ARAP3: variants seen among roughly 807,000 people sequenced by gnomAD.
ARAP3 encodes the protein arf-GAP with Rho-GAP domain, ANK repeat and PH domain-containing protein 3.
Under a neutral mutation model 169.2 loss-of-function variants are expected in ARAP3, and 82 were observed. The observed-to-expected ratio is 0.48, with a 90% CI of 0.41 to 0.58. ARAP3 has a LOEUF of 0.58. ARAP3 is among the 20% of genes least tolerant of loss of function. The pLI is 0.00. For missense variants in ARAP3, 1,764 were observed against 2,018.0 expected, an observed-to-expected ratio of 0.87 and a Z score of 2.41; for synonymous variants, 791 against 800.3, an observed-to-expected ratio of 0.99 and a Z score of 0.20.
At chr5:141,669,556 C>T (rs990381831) in intron 16 of ARAP3, among the ~76,000 whole-genome samples, 153 bp downstream of exon 16, 1 of 152,194 alleles carries the variant, frequency 6.6e-6, no homozygotes, top group Non-Finnish European at 1.5e-5. Context: ...ATCGAGTGGG[C>T]AGTGCTTAAC....
Position 141,658,597 on chromosome 5 carries a change from G to A in ARAP3, c.3393C>T (p.Asp1131=), listed in dbSNP as rs757823853. 1.9e-6 allele frequency: 3 copies of A among 1,613,022 alleles called. No homozygotes were observed. Among genetic ancestry groups the A allele is most frequent in the African/African-American group, 2.7e-5 (2 of 74,826 alleles). Residue 1131 remains aspartate, a synonymous_variant, in exon 24 of 33, where the codon GAC becomes GAT. Coordinates refer to ENST00000239440, the MANE Select transcript of ARAP3 (RefSeq NM_022481.6). ...MEVYIEQQLP[D]NCVTLKVSPT... ...GACCAACCTTCAGGGTGACACAGTTGTCTGGGAGCTGCTGCTCTATATAAA... is the reference window on the plus strand; with the variant it reads ...GACCAACCTTCAGGGTGACACAGTTATCTGGGAGCTGCTGCTCTATATAAA...
At chr5:141,655,257 C>A in intron 32 of ARAP3, 105 bp downstream of exon 32, 1 of 1,199,906 alleles carries the variant, frequency 8.3e-7, no homozygotes. Context: ...CACACACACA[C>A]ACCCCCTGAT....
chr5:141,664,696 A>G (rs1596482048), intron 19 of ARAP3, among the ~76,000 whole-genome samples: 1 of 152,146 alleles, frequency 6.6e-6, no homozygotes, highest in East Asian at 1.9e-4. Context: ...TATCCTGGAA[A>G]ATGAGGACCG....
At chr5:141,668,407 T>A (rs1455266887) in intron 16 of ARAP3, among the ~76,000 whole-genome samples, 1 of 152,230 alleles carries the variant, frequency 6.6e-6, no homozygotes, top group African/African-American at 2.4e-5. Context: ...GCCCTTTTTT[T>A]ATAATTAGAT....
rs963515157 is a variant in ARAP3, at chr5:141,671,132, G to A, written c.1990+133C>T. On this transcript the variant is annotated intron_variant, in intron 13 of 32. Transcript: ENST00000239440. The surrounding 1 kb of genome is among the most constrained non-coding windows in gnomAD (Gnocchi z 4.9). ...ATGACATCAGGAGATAGGCCCTGGA[G>A]GATCTGAGGGTTTGGGAAACTGCCC... The A allele has an allele frequency of 1.7e-5, 21 of 1,209,172 alleles. No homozygotes were observed. The African/African-American group carries it at 2.4e-4, about 14-fold the overall frequency. The allele number at this position is 1,209,172 out of a possible 1,614,324, so 74.9% of individuals were successfully genotyped here.
At chr5:141,673,951 CTTTTCTTCTT>C in intron 4 of ARAP3, 143 bp from the exon 5 acceptor site, 2 of 573,966 alleles carry the variant, frequency 3.5e-6, no homozygotes. Flanking sequence ...TTTTTCTTTT[CTTTTCTTCTT>C]TTTTTTTTTT....
rs761614648 is a variant in ARAP3 at position 141,672,198 on chromosome 5, A to C, written c.1489T>G (p.Ser497Ala). ...SDYEVAEKIW[S>A]NRANRQCADC... ...GCACACTGCCGGTTGGCCCGATTAGACCAGATCTTCTCAGCCACCTCGTAG... is the reference window on the plus strand; with the variant it reads ...GCACACTGCCGGTTGGCCCGATTAGCCCAGATCTTCTCAGCCACCTCGTAG... Residue 497 changes from serine (S) to alanine (A), a missense_variant, in exon 10 of 33, where the codon TCT becomes GCT. Physicochemically the swap from Ser to Ala is moderately conservative, Grantham distance 99. Coordinates refer to ENST00000239440, the MANE Select transcript of ARAP3 (RefSeq NM_022481.6). This position sits in a 1 kb window ranked among gnomAD's most constrained non-coding sequence, Gnocchi z 4.9. 6 of 1,614,064 alleles carry C rather than the reference A, an allele frequency of 3.7e-6. No individual in the cohort carries two copies. The South Asian group carries it at 4.4e-5, about 12-fold the overall frequency.
intron 4 of ARAP3, among the ~76,000 whole-genome samples, chr5:141,675,510 G>A (rs1322854376): frequency 6.6e-6 from 1 of 152,090 alleles, no homozygotes; most frequent in African/African-American, 2.4e-5. Flanking sequence ...CACAAGGTCA[G>A]GAGTTCAAGA....
chr5:141,656,653 C>A lies in ARAP3; in HGVS notation c.3656-16G>T. The A allele has an allele frequency of 6.2e-7, 1 of 1,613,448 alleles. No homozygotes were observed. The highest frequency in any genetic ancestry group is 8.5e-7 in the Non-Finnish European group (1 of 1,179,740). Reference sequence around the variant, plus strand: ...CGTCGGATACCTGGGCATAGATGGGCAATCCTGGGTGGAGGATGCTAGGGG... The same window carrying A: ...CGTCGGATACCTGGGCATAGATGGGAAATCCTGGGTGGAGGATGCTAGGGG... On this transcript the variant is annotated splice_polypyrimidine_tract_variant and intron_variant, in intron 26 of 32. Coordinates refer to ENST00000239440, the MANE Select transcript of ARAP3 (RefSeq NM_022481.6).
intron 32 of ARAP3, 103 bp downstream of exon 32, chr5:141,655,259 C>CACACACACACA (rs376664795): frequency 6.0e-5 from 72 of 1,191,136 alleles, no homozygotes; most frequent in Middle Eastern, 2.0e-4. Flanking sequence ...CACACACACA[C>CACACACACACA]CCCCTGATGG....
At position 141,665,485 on chromosome 5, in the gene ARAP3, C is replaced by T. The variant is rs185057440; in HGVS notation, c.2573-111G>A. On this transcript the variant is annotated intron_variant, in intron 17 of 32. Coordinates refer to ENST00000239440, the MANE Select transcript of ARAP3 (RefSeq NM_022481.6). ...GCCAGGCTAGGAGCATTACAAAAAA[C>T]GTTCAGTTGAATCCTATGAGTTATG... The T allele has an allele frequency of 1.8e-4, 208 of 1,132,122 alleles. No individual in the cohort carries two copies. The African/African-American group carries it at 2.5e-3, about 13-fold the overall frequency. The allele number at this position is 1,132,122 out of a possible 1,614,324, so 70.1% of individuals were successfully genotyped here.
rs746437514 is a variant in ARAP3 at position 141,670,596 on chromosome 5, C to T, written c.2023G>A (p.Val675Met). The T allele has an allele frequency of 6.2e-6, 10 of 1,614,106 alleles. No individual in the cohort carries two copies. The highest frequency in any genetic ancestry group is 8.5e-6 in the Non-Finnish European group (10 of 1,179,974). The change falls in exon 14 of 33, where the codon GTG becomes ATG. Residue 675 changes from valine (V) to methionine (M), a missense_variant. By Grantham distance (21) the Val-to-Met change is conservative. This residue lies in a region of ARAP3 where 1,112 missense variants were observed against 1,285.7 expected (regional missense o/e 0.86). Transcript: ENST00000239440. ...PSPGVYNEVV[V>M]RATYSGFLYC... Reference sequence around the variant, plus strand: ...AGGAAGCCGCTGTAAGTAGCACGCACCACCACCTCATTGTACACACCAGGG... The same window carrying T: ...AGGAAGCCGCTGTAAGTAGCACGCATCACCACCTCATTGTACACACCAGGG...
chr5:141,677,413 GGC>G (rs1411909634), intron 4 of ARAP3, among the ~76,000 whole-genome samples: 1 of 152,124 alleles, frequency 6.6e-6, no homozygotes, highest in Non-Finnish European at 1.5e-5. Flanking sequence ...TGTGGCTAAT[GGC>G]TACCATACTG....
rs751183357 is a variant in ARAP3 at position 141,672,567 on chromosome 5, G to T, written c.1370C>A (p.Pro457His). ...CAGGCCCCACCTGAAGCAGCGATGG[G>T]GTGTGAGCAGGTCAAAGCTTCGACT... Reference protein sequence around the residue: ...TKSRSFDLLTPHRCFSFTAES... With the variant: ...TKSRSFDLLTHHRCFSFTAES... The change falls in exon 9 of 33, where the codon CCC (proline) becomes CAC (histidine). Residue 457 changes from proline to histidine, a missense_variant. Physicochemically the swap from Pro to His is moderately conservative, Grantham distance 77. Coordinates refer to ENST00000239440, the MANE Select transcript of ARAP3 (RefSeq NM_022481.6). This position sits in a 1 kb window ranked among gnomAD's most constrained non-coding sequence, Gnocchi z 4.9. 6.2e-7 allele frequency: 1 copy of T among 1,614,028 alleles called. No individual in the cohort carries two copies. The highest frequency in any genetic ancestry group is 1.3e-5 in the African/African-American group (1 of 74,946).
rs556535890 is a variant in ARAP3, at chr5:141,670,550, T to C, written c.2069A>G (p.Asn690Ser). Residue 690 changes from asparagine to serine, a missense_variant, in exon 14 of 33, where the codon AAC becomes AGC. By Grantham distance (46) the Asn-to-Ser change is conservative (BLOSUM62 1). Coordinates refer to ENST00000239440, the MANE Select transcript of ARAP3 (RefSeq NM_022481.6). ...SGFLYCSPVS[N>S]KAGPSPPRRG... The stretch of plus-strand genomic sequence containing the variant: ...GCGAGGGGGTGAGGGTCCAGCTTTG[T>C]TGCTGACGGGACTGCAGTACAGGAA... The C allele has an allele frequency of 5.6e-6, 9 of 1,614,094 alleles. No homozygotes were observed. Among genetic ancestry groups the C allele is most frequent in the South Asian group, 5.5e-5 (5 of 91,082 alleles).
At chr5:141,675,677 C>G (rs13184976) in intron 4 of ARAP3, among the ~76,000 whole-genome samples, 29 of 151,062 alleles carry the variant, frequency 1.9e-4, no homozygotes, top group African/African-American at 6.6e-4. Flanking sequence ...GAGCAGAGAT[C>G]GAGCCACTGT....
rs1319676039 is a variant in ARAP3, at chr5:141,664,930, G to A, written c.2792C>T (p.Thr931Ile). ...IIVDACISFV[T>I]QHGLRLEGVY... Reference sequence around the variant, plus strand: ...AGCCAGTGCCTACTCACCATGCTGGGTAACAAAACTGATGCAGGCATCCAC... The same window carrying A: ...AGCCAGTGCCTACTCACCATGCTGGATAACAAAACTGATGCAGGCATCCAC... The change falls in exon 19 of 33, where the codon ACC becomes ATC. Residue 931 changes from threonine to isoleucine, a missense_variant. Transcript: ENST00000239440. 1.2e-6 allele frequency: 2 copies of A among 1,607,316 alleles called. No individual in the cohort carries two copies. Among genetic ancestry groups the A allele is most frequent in the Non-Finnish European group, 1.7e-6 (2 of 1,178,692 alleles).
chr5:141,679,653 T>G lies in ARAP3; in HGVS notation c.590A>C (p.His197Pro). Residue 197 changes from histidine (H) to proline (P), a missense_variant, in exon 4 of 33, where the codon CAC becomes CCC. This residue lies in a region of ARAP3 where 630 missense variants were observed against 678.7 expected (regional missense o/e 0.93). Transcript: ENST00000239440. ...GTACAGGCAACCAGGATCCATGATGTGCACTGGCAGGAGGAGAGGGGAACG... is the reference window on the plus strand; with the variant it reads ...GTACAGGCAACCAGGATCCATGATGGGCACTGGCAGGAGGAGAGGGGAACG... ...PALRPTTGTV[H>P]IMDPGCLYYG... 6.2e-7 allele frequency: 1 copy of G among 1,614,074 alleles called. No individual in the cohort carries two copies. The highest frequency in any genetic ancestry group is 1.1e-5 in the South Asian group (1 of 91,084).
chr5:141,655,225 TACACACACACAC>T (rs148481472), intron 32 of ARAP3, 125 bp downstream of exon 32: 20 of 491,130 alleles, frequency 4.1e-5, no homozygotes, highest in African/African-American at 6.1e-5. Context: ...CCTGATGGCC[TACACACACACAC>T]ACACACACAC....
Sources: allele counts gnomAD v4.1 joint callset (sites outside exome capture counted in the v4.1 genomes callset), GRCh38; gene constraint gnomAD v4.1.1; regional missense constraint gnomAD v4.1.1; non-coding constraint Gnocchi (gnomAD v3.1); transcripts MANE v1.5; gene names NCBI Gene and HGNC (gene_info 2026-07-23, HGNC 2026-07-21).